PRDM6: variants seen among roughly 807,000 people sequenced by gnomAD.
PRDM6 encodes the protein putative histone-lysine N-methyltransferase PRDM6.
PRDM6 carries 25 observed loss-of-function variants against 60.8 expected under a neutral mutation model. That is an observed-to-expected ratio of 0.41 (90% CI 0.30 to 0.57). The LOEUF (loss-of-function observed/expected upper bound fraction) is 0.57, where lower values mean the gene tolerates loss of function less well. Ranked by LOEUF, PRDM6 falls within the 20% of genes least tolerant of loss-of-function variation. The pLI, the probability that PRDM6 is intolerant of heterozygous loss-of-function variation, is 0.27. For synonymous variants in PRDM6, 407 were observed against 357.4 expected (o/e 1.14, Z -1.57); for missense variants, 839 against 821.3 (o/e 1.02, Z -0.26).
chr5:123,099,628 C>A lies in PRDM6; in HGVS notation c.593-26C>A. 6.9e-7 allele frequency: 1 copy of A among 1,441,830 alleles called. No homozygotes were observed. Among genetic ancestry groups the A allele is most frequent in the Admixed American group, 2.7e-5 (1 of 37,588 alleles). The allele number at this position is 1,441,830 out of a possible 1,614,324, so 89.3% of individuals were successfully genotyped here. A position where few individuals can be genotyped will look rare whatever the true frequency, so the allele number is the denominator to read the frequency against. On this transcript the variant is annotated intron_variant, in intron 2 of 7. Transcript: ENST00000407847. This position sits in a 1 kb window ranked among gnomAD's most constrained non-coding sequence, Gnocchi z 4.0. Reference sequence around the variant, plus strand: ...GGCGGCCGGATTAACCCGCTCCCTTCCCTTCCTCCTTCTTGTCTCCCGCAG... The same window carrying A: ...GGCGGCCGGATTAACCCGCTCCCTTACCTTCCTCCTTCTTGTCTCCCGCAG...
rs1300001501 is a variant in PRDM6, at chr5:123,193,890, A to G, written c.*6689A>G. On this transcript the variant is annotated 3_prime_UTR_variant, in exon 8 of 8. Coordinates refer to ENST00000407847, the MANE Select transcript of PRDM6 (RefSeq NM_001136239.4). The stretch of plus-strand genomic sequence containing the variant: ...ACTTTCCACCAAATAAAATGGTTAG[A>G]GTGAATGCCCAGTTTCACATCTGCC... 1 of 152,194 alleles carries G rather than the reference A, an allele frequency of 6.6e-6. No homozygotes were observed. Among genetic ancestry groups the G allele is most frequent in the Non-Finnish European group, 1.5e-5 (1 of 68,040 alleles). The allele number at this position is 152,194 out of a possible 1,614,324, so 9.4% of individuals were successfully genotyped here. A position where few individuals can be genotyped will look rare whatever the true frequency, so the allele number is the denominator to read the frequency against.
chr5:123,098,032 G>A (rs1763997502), intron 2 of PRDM6, among the ~76,000 whole-genome samples: 1 of 152,222 alleles, frequency 6.6e-6, no homozygotes, highest in African/African-American at 2.4e-5. Flanking sequence ...TTGCTGTGAA[G>A]CAAATGGCAA....
chr5:123,102,532 G>A (rs1347641575), intron 3 of PRDM6, among the ~76,000 whole-genome samples: 1 of 151,882 alleles, frequency 6.6e-6, no homozygotes, highest in Non-Finnish European at 1.5e-5. Context: ...GAAATGTTTG[G>A]CAATAATTGT....
At chr5:123,119,313 T>C (rs969656950) in intron 3 of PRDM6, among the ~76,000 whole-genome samples, 1 of 151,944 alleles carries the variant, frequency 6.6e-6, no homozygotes, top group East Asian at 1.9e-4. Context: ...AAGAACAAAA[T>C]GAGTGATAAG....
chr5:123,114,198 G>A (rs1271174695), intron 3 of PRDM6, among the ~76,000 whole-genome samples: 1 of 152,212 alleles, frequency 6.6e-6, no homozygotes, highest in African/African-American at 2.4e-5. Flanking sequence ...GAGAGGGTCA[G>A]CCTTTCATTG....
intron 3 of PRDM6, among the ~76,000 whole-genome samples, chr5:123,104,320 A>G (rs1561808241): frequency 1.3e-5 from 2 of 152,148 alleles, no homozygotes; most frequent in Non-Finnish European, 2.9e-5. Context: ...GTATGTTTCT[A>G]TAAATGACTC....
intron 3 of PRDM6, among the ~76,000 whole-genome samples, chr5:123,155,339 T>C (rs1264767365): frequency 6.6e-6 from 1 of 150,624 alleles, no homozygotes; most frequent in Non-Finnish European, 1.5e-5. Context: ...CTACATCTTC[T>C]TTGAGGTGAG....
chr5:123,182,909 G>T (rs1182463365), intron 7 of PRDM6, among the ~76,000 whole-genome samples: 1 of 152,070 alleles, frequency 6.6e-6, no homozygotes, highest in Non-Finnish European at 1.5e-5. Context: ...CATCTTCTAG[G>T]AAATGGAAAG....
intron 4 of PRDM6, among the ~76,000 whole-genome samples, chr5:123,156,382 C>T (rs1765501289): frequency 1.3e-5 from 2 of 152,196 alleles, no homozygotes; most frequent in Non-Finnish European, 2.9e-5. Context: ...AGCCTCAGGT[C>T]TCTTGCTTTC....
chr5:123,114,684 C>T (rs1390973757), intron 3 of PRDM6, among the ~76,000 whole-genome samples: 1 of 152,170 alleles, frequency 6.6e-6, no homozygotes, highest in Non-Finnish European at 1.5e-5. Flanking sequence ...AGGACAGACA[C>T]CTGATAGAAA....
Position 123,099,402 on chromosome 5 carries a change from CTT to C in PRDM6, c.593-248_593-247del, listed in dbSNP as rs1764044576. Among the ~76,000 whole-genome samples, 1 of 152,150 alleles carries C rather than the reference CTT, an allele frequency of 6.6e-6. No homozygotes were observed. The highest frequency in any genetic ancestry group is 1.5e-5 in the Non-Finnish European group (1 of 68,032). On this transcript the variant is annotated intron_variant, in intron 2 of 7. Coordinates refer to ENST00000407847, the MANE Select transcript of PRDM6 (RefSeq NM_001136239.4). This position sits in a 1 kb window ranked among gnomAD's most constrained non-coding sequence, Gnocchi z 4.0. ...TGCTATCTGCGCCCAGATCCGAAGG[CTT>C]TTTGGGGAGCCTAGAGTCCTGGCCC...
At chr5:123,147,092 T>C (rs1309193863) in intron 3 of PRDM6, among the ~76,000 whole-genome samples, 1 of 152,222 alleles carries the variant, frequency 6.6e-6, no homozygotes, top group Admixed American at 6.5e-5. Context: ...ACTCACTATA[T>C]ACAAAATAAG....
rs1325075736 is a variant in PRDM6, at chr5:123,194,120, A to G, written c.*6919A>G. 3.3e-5 allele frequency: 5 copies of G among 152,208 alleles called. No homozygotes were observed. Among genetic ancestry groups the G allele is most frequent in the South Asian group, 4.1e-4 (2 of 4,830 alleles). 9.4% of individuals were successfully genotyped at this position (152,208 alleles called of 1,614,324 possible). ...ATGAAAAAATAACTGCAAAGGACCAATGAGATCATGCATGCTGCTGTATTC... is the reference window on the plus strand; with the variant it reads ...ATGAAAAAATAACTGCAAAGGACCAGTGAGATCATGCATGCTGCTGTATTC... On this transcript the variant is annotated 3_prime_UTR_variant, in exon 8 of 8. Coordinates refer to ENST00000407847, the MANE Select transcript of PRDM6 (RefSeq NM_001136239.4).
chr5:123,145,440 A>G (rs1000399057), intron 3 of PRDM6, among the ~76,000 whole-genome samples: 7 of 152,228 alleles, frequency 4.6e-5, no homozygotes, highest in Non-Finnish European at 7.3e-5. Context: ...CTGTCTGGGA[A>G]GTCAGAGGTC....
At chr5:123,103,767 G>A (rs1561807690) in intron 3 of PRDM6, among the ~76,000 whole-genome samples, 1 of 151,992 alleles carries the variant, frequency 6.6e-6, no homozygotes, top group Non-Finnish European at 1.5e-5. Context: ...AAATACGGAA[G>A]TTTAAAATAA....
At chr5:123,156,074 C>T (rs1427101917) in intron 4 of PRDM6, 63 bp downstream of exon 4, 1 of 1,463,304 alleles carries the variant, frequency 6.8e-7, no homozygotes, top group East Asian at 2.5e-5. Flanking sequence ...TATACAAATT[C>T]AGGCTTGCCA....
chr5:123,124,710 C>T (rs967820613), intron 3 of PRDM6, among the ~76,000 whole-genome samples: 3 of 152,090 alleles, frequency 2.0e-5, no homozygotes, highest in South Asian at 2.1e-4. Flanking sequence ...TTGCTGCATC[C>T]GGAAAATTTA....
intron 3 of PRDM6, among the ~76,000 whole-genome samples, chr5:123,140,855 G>T (rs1765081406): frequency 6.6e-6 from 1 of 152,084 alleles, no homozygotes. Flanking sequence ...AAGGCAAGTT[G>T]TTAATTCTTA....
At chr5:123,129,243 G>A (rs552385425) in intron 3 of PRDM6, among the ~76,000 whole-genome samples, 6 of 152,286 alleles carry the variant, frequency 3.9e-5, no homozygotes, top group Admixed American at 3.3e-4. Context: ...TCTTGGCAAT[G>A]CGGGCTCTTT....
Sources: allele counts gnomAD v4.1 joint callset (sites outside exome capture counted in the v4.1 genomes callset), GRCh38; gene constraint gnomAD v4.1.1; non-coding constraint Gnocchi (gnomAD v3.1); transcripts MANE v1.5; gene names NCBI Gene and HGNC (gene_info 2026-07-23, HGNC 2026-07-21).